The following MINAR1 variants were observed in gnomAD, a reference collection of about 807,000 sequenced individuals.
MINAR1 encodes membrane integral NOTCH2 associated receptor 1.
MINAR1 carries 40 observed loss-of-function variants against 65.1 expected under a neutral mutation model. The ratio of observed to expected loss-of-function variants is 0.61; its 90% confidence interval spans 0.48 to 0.80. MINAR1 has a LOEUF of 0.80. Ranked by LOEUF, MINAR1 falls within the 30% of genes least tolerant of loss-of-function variation. The pLI is 0.00. For missense variants in MINAR1, 1,128 were observed against 1,148.0 expected (o/e 0.98, Z 0.25); for synonymous variants, 482 against 449.1 (o/e 1.07, Z -0.93).
chr15:79,431,049 T>G (rs1013074292), upstream of MINAR1, among the ~76,000 whole-genome samples: 7 of 152,204 alleles, frequency 4.6e-5, no homozygotes, highest in African/African-American at 1.2e-4. Context: ...CCCAGGGCCT[T>G]TGCTCCGATC....
rs1595948338 is a variant in MINAR1, at chr15:79,457,782, A to G, written c.1635A>G (p.Thr545=). The G allele has an allele frequency of 6.2e-7, 1 of 1,614,178 alleles. No homozygotes were observed. Among genetic ancestry groups the G allele is most frequent in the Non-Finnish European group, 8.5e-7 (1 of 1,180,020 alleles). ...GVIQSSCYNS[T]GSLSQLHKSD... is the part of the protein sequence containing the mutation. Reference sequence around the variant, plus strand: ...TACAGTCGTCCTGCTACAACAGCACAGGATCCTTGTCTCAGCTCCATAAGT... The same window carrying G: ...TACAGTCGTCCTGCTACAACAGCACGGGATCCTTGTCTCAGCTCCATAAGT... The change falls in exon 2 of 4, where the codon ACA becomes ACG. Residue 545 remains threonine (T), a synonymous_variant. Transcript: ENST00000305428.
At chr15:79,452,664 G>A (rs1024449441) in intron 1 of MINAR1, among the ~76,000 whole-genome samples, 2 of 147,656 alleles carry the variant, frequency 1.4e-5, no homozygotes, top group Non-Finnish European at 1.5e-5. Flanking sequence ...GTGAGTGTGG[G>A]TGTGGGTATG....
intron 2 of MINAR1, among the ~76,000 whole-genome samples, chr15:79,462,615 T>C (rs1490120455): frequency 6.6e-6 from 1 of 152,142 alleles, no homozygotes; most frequent in African/African-American, 2.4e-5. Flanking sequence ...AGGACCCGTA[T>C]CTTTTACTCA....
chr15:79,427,818 G>T (rs1163097469), upstream of MINAR1, among the ~76,000 whole-genome samples: 1 of 152,166 alleles, frequency 6.6e-6, no homozygotes, highest in African/African-American at 2.4e-5. Context: ...TGGGTTCAGG[G>T]TGAAGTCACT....
At position 79,468,364 on chromosome 15, in the gene MINAR1, A is replaced by G. The variant is rs1490269248; in HGVS notation, c.2731A>G (p.Ile911Val). 1 of 1,613,908 alleles carries G rather than the reference A, an allele frequency of 6.2e-7. No individual in the cohort carries two copies. Among genetic ancestry groups the G allele is most frequent in the Non-Finnish European group, 8.5e-7 (1 of 1,179,998 alleles). The change falls in exon 4 of 4, where the codon ATC (isoleucine) becomes GTC (valine). Residue 911 changes from isoleucine (I) to valine (V), a missense_variant. Transcript: ENST00000305428. ...CTVILVIVVPICTMKS is the reference protein window; with the variant it reads ...CTVILVIVVPVCTMKS ...CGTCATCCTCGTTATTGTCGTGCCC[A>G]TCTGCACAATGAAATCATGAGCTAA... is the stretch of plus-strand genomic sequence containing the variant.
rs1264098153 is a variant in MINAR1, at chr15:79,432,424, AC to A, written c.-165del. ...GAATCCGGGCTGCCGGGTGACAGTG[AC>A]CAGCTGACTCTGGAGCCTACCGGAG... On this transcript the variant is annotated 5_prime_UTR_variant, in exon 1 of 4. Transcript: ENST00000305428. The A allele has an allele frequency of 2.0e-5, 3 of 152,328 alleles. No homozygotes were observed. Among genetic ancestry groups the A allele is most frequent in the Non-Finnish European group, 4.4e-5 (3 of 68,174 alleles). 9.4% of individuals were successfully genotyped at this position (152,328 alleles called of 1,614,324 possible).
intron 1 of MINAR1, among the ~76,000 whole-genome samples, chr15:79,455,554 C>T (rs1479978071): frequency 6.6e-6 from 1 of 152,160 alleles, no homozygotes; most frequent in Non-Finnish European, 1.5e-5. Flanking sequence ...GAGGTCAACC[C>T]TCCTCCTCAC....
intron 1 of MINAR1, among the ~76,000 whole-genome samples, chr15:79,437,534 G>A (rs1207757581): frequency 6.6e-6 from 1 of 151,016 alleles, no homozygotes; most frequent in African/African-American, 2.4e-5. Flanking sequence ...GATAGGTAAT[G>A]AGTGAATGTG....
Position 79,457,584 on chromosome 15 carries a change from G to T in MINAR1, c.1437G>T (p.Glu479Asp), listed in dbSNP as rs935105217. Reference protein sequence around the residue: ...SDTSSVGTQTEHVLEPKKCRD... With the variant: ...SDTSSVGTQTDHVLEPKKCRD... ...CCAGTAGCGTGGGCACCCAGACTGAGCACGTGCTGGAGCCCAAGAAATGCA... is the reference window on the plus strand; with the variant it reads ...CCAGTAGCGTGGGCACCCAGACTGATCACGTGCTGGAGCCCAAGAAATGCA... Residue 479 changes from glutamate to aspartate, a missense_variant, in exon 2 of 4, where the codon GAG (glutamate) becomes GAT (aspartate). Transcript: ENST00000305428. 4 of 1,614,072 alleles carry T rather than the reference G, an allele frequency of 2.5e-6. No homozygotes were observed. The highest frequency in any genetic ancestry group is 3.4e-6 in the Non-Finnish European group (4 of 1,180,046).
intron 3 of MINAR1, among the ~76,000 whole-genome samples, chr15:79,466,032 C>T (rs1895838774): frequency 6.6e-6 from 1 of 152,102 alleles, no homozygotes; most frequent in South Asian, 2.1e-4. Context: ...GCTTCTGGGG[C>T]TCTAGCAGAG....
rs1229709654 is a variant in MINAR1 at position 79,470,369 on chromosome 15, ATCACAGATGAAGTGCC to A, written c.*1986_*2001del. 1 of 152,246 alleles carries A rather than the reference ATCACAGATGAAGTGCC, an allele frequency of 6.6e-6. No individual in the cohort carries two copies. The highest frequency in any genetic ancestry group is 1.9e-4 in the East Asian group (1 of 5,188). The allele number at this position is 152,246 out of a possible 1,614,324, so 9.4% of individuals were successfully genotyped here. A position where few individuals can be genotyped will look rare whatever the true frequency, so the allele number is the denominator to read the frequency against. ...TTGTAGCCCCACTATTCTCCTCTTTATCACAGATGAAGTGCCAGAGCATCAGAGATAGGTAGCTCCC... is the reference window on the plus strand; with the variant it reads ...TTGTAGCCCCACTATTCTCCTCTTTAAGAGCATCAGAGATAGGTAGCTCCC... On this transcript the variant is annotated 3_prime_UTR_variant, in exon 4 of 4. Transcript: ENST00000305428.
At chr15:79,435,270 C>T (rs555415970) in intron 1 of MINAR1, among the ~76,000 whole-genome samples, 1 of 140,116 alleles carries the variant, frequency 7.1e-6, no homozygotes. Flanking sequence ...GAACAAAAAT[C>T]CGTCTCAAAA....
chr15:79,459,550 G>T (rs1379342923), intron 2 of MINAR1, among the ~76,000 whole-genome samples: 1 of 152,132 alleles, frequency 6.6e-6, no homozygotes, highest in Non-Finnish European at 1.5e-5. Context: ...AAGGTCAGTG[G>T]ACAGAGAAGG....
At chr15:79,419,606 C>T in the MINAR1 span, 1 of 152,148 alleles carries the variant, frequency 6.6e-6, no homozygotes, top group Non-Finnish European at 1.5e-5. Flanking sequence ...TCTCTCCCTC[C>T]CCCAGACAGC....
At chr15:79,417,244 A>C in the MINAR1 span, 1 of 152,384 alleles carries the variant, frequency 6.6e-6, no homozygotes, top group South Asian at 2.1e-4. Context: ...AATCACAAGA[A>C]TGTAGAATAC....
chr15:79,440,891 C>T (rs1021390336), intron 1 of MINAR1, among the ~76,000 whole-genome samples: 1 of 152,192 alleles, frequency 6.6e-6, no homozygotes, highest in Non-Finnish European at 1.5e-5. Context: ...GTCTCCCCCA[C>T]TAGATTATAA....
At chr15:79,451,766 G>C (rs1595941685) in intron 1 of MINAR1, among the ~76,000 whole-genome samples, 2 of 152,134 alleles carry the variant, frequency 1.3e-5, no homozygotes, top group Admixed American at 1.3e-4. Flanking sequence ...CCACATGGGG[G>C]TGGGGGTGAC....
rs1441512138 is a variant in MINAR1, at chr15:79,469,707, A to G, written c.*1323A>G. On this transcript the variant is annotated 3_prime_UTR_variant, in exon 4 of 4. Coordinates refer to ENST00000305428, the MANE Select transcript of MINAR1 (RefSeq NM_015206.3). ...ACCTGCTGAATGGTGCTCTGACAAT[A>G]ATGGAACAGAAAGAATCCTTATCAG... 1 of 152,662 alleles carries G rather than the reference A, an allele frequency of 6.6e-6. No homozygotes were observed. The highest frequency in any genetic ancestry group is 1.5e-5 in the Non-Finnish European group (1 of 68,046). 9.5% of individuals were successfully genotyped at this position (152,662 alleles called of 1,614,324 possible).
chr15:79,458,360 A>T lies in MINAR1; in HGVS notation c.2213A>T (p.Tyr738Phe), dbSNP rs750164858. ...CCCAGAGACTGGCGCACCATCACTT[A>T]TACCAACCGTGTGGGCCTCAATGAG... ...NSPRDWRTIT[Y>F]TNRVGLNEEE... Residue 738 changes from tyrosine to phenylalanine, a missense_variant, in exon 2 of 4, where the codon TAT (tyrosine) becomes TTT (phenylalanine). Physicochemically the swap from Tyr to Phe is conservative, Grantham distance 22 (BLOSUM62 3). Transcript: ENST00000305428. The T allele has an allele frequency of 6.2e-7, 1 of 1,614,232 alleles. No homozygotes were observed. Among genetic ancestry groups the T allele is most frequent in the Non-Finnish European group, 8.5e-7 (1 of 1,180,042 alleles).
Sources: gnomAD v4.1 joint callset for allele counts (sites outside exome capture counted in the v4.1 genomes callset) on GRCh38, gnomAD v4.1.1 for gene constraint, MANE v1.5 for transcripts, NCBI Gene and HGNC (gene_info 2026-07-23, HGNC 2026-07-21) for gene names.